DGCR8: variants seen among roughly 807,000 people sequenced by gnomAD.
DGCR8 encodes the protein DGCR8 microprocessor complex subunit.
DGCR8 carries 14 observed loss-of-function variants against 78.5 expected under a neutral mutation model. The ratio of observed to expected loss-of-function variants is 0.18; its 90% CI spans 0.12 to 0.28. DGCR8 has a LOEUF of 0.28. DGCR8 is among the 10% of genes least tolerant of loss of function. The probability of loss-of-function intolerance (pLI) is 1.00; values close to 1 mark genes in which losing one functional copy is unlikely to be tolerated. For missense variants in DGCR8, 702 were observed against 1,022.5 expected (o/e 0.69, Z 4.28); for synonymous variants, 399 against 402.4 (o/e 0.99, Z 0.10).
At chr22:20,096,896 G>C (rs2049634783) in intron 9 of DGCR8, among the ~76,000 whole-genome samples, 1 of 151,974 alleles carries the variant, frequency 6.6e-6, no homozygotes, top group East Asian at 1.9e-4. Flanking sequence ...GTTAGATTTT[G>C]TCAAATGTTT....
In DGCR8 at chr22:20,086,451, C is replaced by T. The variant is rs767022640; in HGVS notation, c.488C>T (p.Pro163Leu). ...SPVSGDVHAC[P>L]FGGSVGDGVG... ...GTCAGTGGGGACGTGCATGCTTGTCCCTTTGGCGGGAGTGTTGGTGACGGG... is the reference window on the plus strand; with the variant it reads ...GTCAGTGGGGACGTGCATGCTTGTCTCTTTGGCGGGAGTGTTGGTGACGGG... Residue 163 changes from proline (P) to leucine (L), a missense_variant, in exon 2 of 14, where the codon CCC becomes CTC. This residue lies in a region of DGCR8 where 356 missense variants were observed against 448.9 expected (regional missense o/e 0.79). Coordinates refer to ENST00000351989, the MANE Select transcript of DGCR8 (RefSeq NM_022720.7). The surrounding 1 kb of genome is among the most constrained non-coding windows in gnomAD (Gnocchi z 6.4). The T allele has an allele frequency of 6.2e-7, 1 of 1,613,810 alleles. No homozygotes were observed. Among genetic ancestry groups the T allele is most frequent in the South Asian group, 1.1e-5 (1 of 91,068 alleles).
At position 20,106,715 on chromosome 22, in the gene DGCR8, T is replaced by C. The variant is rs777154444; in HGVS notation, c.1996+17T>C. 2 of 1,582,032 alleles carry C rather than the reference T, an allele frequency of 1.3e-6. No individual in the cohort carries two copies. Among genetic ancestry groups the C allele is most frequent in the Admixed American group, 1.7e-5 (1 of 59,982 alleles). ...GCGGGTGGTGTAAGGACTCCTTCTC[T>C]GCTGCCTGGTGGCCGCTGGGCGGGC... On this transcript the variant is annotated intron_variant, in intron 11 of 13. Transcript: ENST00000351989.
At chr22:20,105,805 TAGTAAAGCCTCTCTGCAA>T (rs2049762787) in intron 9 of DGCR8, among the ~76,000 whole-genome samples, 1 of 152,188 alleles carries the variant, frequency 6.6e-6, no homozygotes, top group African/African-American at 2.4e-5. Context: ...GTTGTGGCAA[TAGTAAAGCCTCTCTGCAA>T]AGGTGCTTTA....
intron 9 of DGCR8, chr22:20,101,697 C>T (rs1218787055): frequency 4.1e-6 from 4 of 985,304 alleles, no homozygotes; most frequent in Non-Finnish European, 3.6e-6. Context: ...GGGTGGCCAT[C>T]TCCTGTTCCT....
chr22:20,100,450 G>A (rs941505982), intron 9 of DGCR8: 6 of 985,298 alleles, frequency 6.1e-6, no homozygotes, highest in African/African-American at 3.5e-5. Flanking sequence ...AAGTGCTTGC[G>A]TAGACCCTGG....
chr22:20,099,055 C>T (rs905477898), intron 9 of DGCR8, among the ~76,000 whole-genome samples: 1 of 152,128 alleles, frequency 6.6e-6, no homozygotes, highest in African/African-American at 2.4e-5. Context: ...TTCGTAAATT[C>T]CCTGAGCCAG....
intron 9 of DGCR8, among the ~76,000 whole-genome samples, chr22:20,097,162 G>A (rs955972186): frequency 3.3e-5 from 5 of 152,158 alleles, no homozygotes; most frequent in African/African-American, 1.2e-4. Context: ...GTAACAGCAG[G>A]TACAGGTATC....
In DGCR8 at chr22:20,089,873, C is replaced by T. The variant is rs1173962613; in HGVS notation, c.1023+62C>T. 3 of 1,601,486 alleles carry T rather than the reference C, an allele frequency of 1.9e-6. No individual in the cohort carries two copies. The highest frequency in any genetic ancestry group is 2.6e-6 in the Non-Finnish European group (3 of 1,171,906). On this transcript the variant is annotated intron_variant, in intron 4 of 13. Coordinates refer to ENST00000351989, the MANE Select transcript of DGCR8 (RefSeq NM_022720.7). This position sits in a 1 kb window ranked among gnomAD's most constrained non-coding sequence, Gnocchi z 4.9. The stretch of plus-strand genomic sequence containing the variant: ...GTTCTCAGACCAAAACGTGCACATC[C>T]ACACACATGGCACCGCAGCCAAGCA...
rs370672070 is a variant in DGCR8, at chr22:20,089,637, T to C, written c.881-32T>C. 1 of 1,609,920 alleles carries C rather than the reference T, an allele frequency of 6.2e-7. No individual in the cohort carries two copies. The highest frequency in any genetic ancestry group is 1.1e-5 in the South Asian group (1 of 90,850). ...GCAACAATTCCAAGTGTTTTTACAG[T>C]GATTATAGGATGTTCTTGTCTTCCT... On this transcript the variant is annotated intron_variant, in intron 3 of 13. Transcript: ENST00000351989. The surrounding 1 kb of genome is among the most constrained non-coding windows in gnomAD (Gnocchi z 4.9).
chr22:20,102,305 C>A (rs534598064), intron 9 of DGCR8, among the ~76,000 whole-genome samples: 1 of 152,266 alleles, frequency 6.6e-6, no homozygotes, highest in Admixed American at 6.5e-5. Context: ...CCTGAATGTC[C>A]TCTTAGTGGA....
Position 20,087,201 on chromosome 22 carries a change from G to A in DGCR8, c.760G>A (p.Gly254Ser), listed in dbSNP as rs755568557. Residue 254 changes from glycine (G) to serine (S), a missense_variant, in exon 3 of 14, where the codon GGC (glycine) becomes AGC (serine). Coordinates refer to ENST00000351989, the MANE Select transcript of DGCR8 (RefSeq NM_022720.7). The surrounding 1 kb of genome is among the most constrained non-coding windows in gnomAD (Gnocchi z 4.1). ...CGATGTGGATGCTCTGCTGGAAGAA[G>A]GCCTTTGTGCCCCCAAAAAGAGGCG... ...DNDVDALLEEGLCAPKKRRTE... is the reference protein window; with the variant it reads ...DNDVDALLEESLCAPKKRRTE... 3.1e-6 allele frequency: 5 copies of A among 1,613,560 alleles called. No individual in the cohort carries two copies. In the African/African-American group the frequency reaches 5.3e-5, roughly 17 times the overall value.
At chr22:20,097,212 C>T (rs1368967643) in intron 9 of DGCR8, among the ~76,000 whole-genome samples, 2 of 152,118 alleles carry the variant, frequency 1.3e-5, no homozygotes, top group Admixed American at 6.5e-5. Context: ...GAACATGTTC[C>T]ATTTTCTTCT....
intron 11 of DGCR8, 192 bp from the exon 12 acceptor site, chr22:20,107,079 A>C (rs1046489326): frequency 3.8e-5 from 24 of 628,684 alleles, no homozygotes; most frequent in Non-Finnish European, 6.2e-5. Flanking sequence ...TCTGAGGGCC[A>C]CTCTCTCAAG....
In DGCR8 at chr22:20,102,079, T is replaced by TG; in HGVS notation, c.1789-4098_1789-4097insG. The TG allele has an allele frequency of 3.1e-6, 3 of 977,770 alleles. No homozygotes were observed. In the South Asian group the frequency reaches 1.4e-4, roughly 47 times the overall value. The allele number at this position is 977,770 out of a possible 1,614,324, so 60.6% of individuals were successfully genotyped here. A position where few individuals can be genotyped will look rare whatever the true frequency, so the allele number is the denominator to read the frequency against. On this transcript the variant is annotated intron_variant, in intron 9 of 13. Coordinates refer to ENST00000351989, the MANE Select transcript of DGCR8 (RefSeq NM_022720.7). ...TTTAGGTATTAGTGACCAAGTGTTTTCTTTTTTTTTTTTCATCTTATTTTA... is the reference window on the plus strand; with the variant it reads ...TTTAGGTATTAGTGACCAAGTGTTTTGCTTTTTTTTTTTTCATCTTATTTTA...
At chr22:20,107,239 C>T in intron 11 of DGCR8, 32 bp from the exon 12 acceptor site, 1 of 1,613,840 alleles carries the variant, frequency 6.2e-7, no homozygotes, top group East Asian at 2.2e-5. Flanking sequence ...TGTTTGTGAC[C>T]CCCTCTCCAT....
At chr22:20,095,358 C>A (rs9606244) in intron 9 of DGCR8, among the ~76,000 whole-genome samples, 1 of 151,994 alleles carries the variant, frequency 6.6e-6, no homozygotes, top group Non-Finnish European at 1.5e-5. Flanking sequence ...CACTCGCTTC[C>A]GCCTCCTAAA....
chr22:20,108,640 T>C (rs1179328242), intron 12 of DGCR8: 1 of 363,850 alleles, frequency 2.7e-6, no homozygotes, highest in East Asian at 6.1e-5. Context: ...GCCATATAAG[T>C]GGCGTGGTGT....
rs766869709 is a variant in DGCR8 at position 20,086,248 on chromosome 22, C to T, written c.285C>T (p.Ser95=). 1 of 1,614,052 alleles carries T rather than the reference C, an allele frequency of 6.2e-7. No individual in the cohort carries two copies. The highest frequency in any genetic ancestry group is 1.7e-5 in the Admixed American group (1 of 60,010). ...LLIDPNCSGH[S]PRTARHAPAV... is the part of the protein sequence containing the mutation. ...TAGACCCGAACTGTAGTGGCCACAG[C>T]CCGCGCACCGCCCGGCACGCACCTG... Residue 95 remains serine, a synonymous_variant, in exon 2 of 14, where the codon AGC becomes AGT. Coordinates refer to ENST00000351989, the MANE Select transcript of DGCR8 (RefSeq NM_022720.7). This position sits in a 1 kb window ranked among gnomAD's most constrained non-coding sequence, Gnocchi z 6.4.
At chr22:20,084,981 T>C in intron 1 of DGCR8, 1 of 985,368 alleles carries the variant, frequency 1.0e-6, no homozygotes, top group Non-Finnish European at 1.2e-6. Context: ...CACCCAGGCC[T>C]CTCTGTGCCT....
Sources: gnomAD v4.1 joint callset for allele counts (sites outside exome capture counted in the v4.1 genomes callset) on GRCh38, gnomAD v4.1.1 for gene constraint, gnomAD v4.1.1 regional missense constraint, Gnocchi (gnomAD v3.1) non-coding constraint, MANE v1.5 for transcripts, NCBI Gene and HGNC (gene_info 2026-07-23, HGNC 2026-07-21) for gene names.